The following TCF20 variants were observed in gnomAD, a reference collection of about 807,000 sequenced individuals.
The protein encoded by TCF20 is transcription factor 20.
A neutral mutation model predicts 148.6 loss-of-function variants in TCF20; 3 were observed. That is an observed-to-expected ratio of 0.02 (90% CI 0.01 to 0.05). TCF20 has a LOEUF of 0.05. TCF20 is among the 10% of genes least tolerant of loss of function. The probability of loss-of-function intolerance (pLI) is 1.00; values close to 1 mark genes in which losing one functional copy is unlikely to be tolerated. For missense variants in TCF20, 2,350 were observed against 2,429.3 expected, an observed-to-expected ratio of 0.97 and a Z score of 0.69; for synonymous variants, 1,049 against 909.5, an observed-to-expected ratio of 1.15 and a Z score of -2.76.
chr22:42,217,876 A>G (rs1601610304), intron 1 of TCF20, among the ~76,000 whole-genome samples: 2 of 152,334 alleles, frequency 1.3e-5, no homozygotes, highest in Admixed American at 1.3e-4. Context: ...AGCTTGACCC[A>G]TATCTTGAAA....
At chr22:42,283,281 C>T (rs1299340812) in intron 1 of TCF20, among the ~76,000 whole-genome samples, 1 of 152,224 alleles carries the variant, frequency 6.6e-6, no homozygotes, top group Non-Finnish European at 1.5e-5. Context: ...AAGAACATGC[C>T]TGGAAATAGT....
chr22:42,329,931 T>G (rs955855397), intron 1 of TCF20, among the ~76,000 whole-genome samples: 2 of 152,036 alleles, frequency 1.3e-5, no homozygotes, highest in Non-Finnish European at 2.9e-5. Context: ...GCCACCAAGT[T>G]CAAATACAGG....
chr22:42,305,686 A>G lies in TCF20; in HGVS notation c.-37+37793T>C, dbSNP rs960527134. On this transcript the variant is annotated intron_variant, in intron 1 of 1. Coordinates refer to the TCF20 transcript ENST00000515426. ...TCCTTCCAGACCCTGGCCTCCCCAG[A>G]CTGCCTTCCCTGGTCTCCACACCCC... is the stretch of plus-strand genomic sequence containing the variant. Among the ~76,000 whole-genome samples, 3 of 151,986 alleles carry G rather than the reference A, an allele frequency of 2.0e-5. No homozygotes were observed. The South Asian group carries it at 6.2e-4, about 32-fold the overall frequency.
chr22:42,224,344 C>T (rs1404196266), intron 1 of TCF20, among the ~76,000 whole-genome samples: 2 of 151,686 alleles, frequency 1.3e-5, no homozygotes, highest in Non-Finnish European at 2.9e-5. Context: ...TGGTGGTAGG[C>T]ACCTGTAGTC....
intron 1 of TCF20, among the ~76,000 whole-genome samples, chr22:42,241,774 A>G (rs372116611): frequency 8.6e-5 from 13 of 151,894 alleles, no homozygotes; most frequent in Admixed American, 3.3e-4. Flanking sequence ...GTGCAGTGAG[A>G]GCCAAGATCG....
intron 2 of TCF20, among the ~76,000 whole-genome samples, chr22:42,188,121 C>G (rs1052791132): frequency 6.6e-6 from 1 of 151,762 alleles, no homozygotes; most frequent in African/African-American, 2.4e-5. Flanking sequence ...CAGTGAAACC[C>G]TGTCTCTACT....
upstream of TCF20, among the ~76,000 whole-genome samples, chr22:42,271,715 T>A (rs1277556642): frequency 6.6e-6 from 1 of 152,166 alleles, no homozygotes; most frequent in Non-Finnish European, 1.5e-5. Context: ...TTGCCGATTC[T>A]AAATTAGGCT....
chr22:42,174,809 G>A (rs1936340826), intron 3 of TCF20, among the ~76,000 whole-genome samples: 1 of 152,056 alleles, frequency 6.6e-6, no homozygotes, highest in Non-Finnish European at 1.5e-5. Flanking sequence ...GCCAAGGTGG[G>A]CAGATCACAA....
chr22:42,339,555 AC>A (rs1461010918), intron 1 of TCF20, among the ~76,000 whole-genome samples: 2 of 152,310 alleles, frequency 1.3e-5, no homozygotes, highest in African/African-American at 2.4e-5. Flanking sequence ...AGAAATGACC[AC>A]AAAAACGGCG....
rs1236153066 is a variant in TCF20, at chr22:42,299,910, G to C, written c.-37+43569C>G. Among the ~76,000 whole-genome samples, 1 of 147,966 alleles carries C rather than the reference G, an allele frequency of 6.8e-6. No individual in the cohort carries two copies. Among genetic ancestry groups the C allele is most frequent in the Non-Finnish European group, 1.5e-5 (1 of 67,028 alleles). ...GAAGGGAAGCTTGGAGCGGGTGGAG[G>C]AGGAGGGGGAAAGGGAGCAGAGGAA... On this transcript the variant is annotated intron_variant, in intron 1 of 1. Coordinates refer to the TCF20 transcript ENST00000515426. The surrounding 1 kb of genome is among the most constrained non-coding windows in gnomAD (Gnocchi z 4.1).
At chr22:42,284,088 G>T (rs1926975206), upstream of TCF20, among the ~76,000 whole-genome samples, 1 of 152,198 alleles carries the variant, frequency 6.6e-6, no homozygotes, top group South Asian at 2.1e-4. Flanking sequence ...TCTCACCTCT[G>T]CAGGGTGGAG....
chr22:42,174,879 G>GA (rs1936350154), intron 3 of TCF20, among the ~76,000 whole-genome samples: 1 of 151,968 alleles, frequency 6.6e-6, no homozygotes, highest in Non-Finnish European at 1.5e-5. Flanking sequence ...ACTAAAAACA[G>GA]AAAAAATTAG....
intron 1 of TCF20, among the ~76,000 whole-genome samples, chr22:42,334,290 T>C (rs1000181956): frequency 7.9e-5 from 12 of 152,194 alleles, no homozygotes; most frequent in African/African-American, 2.4e-4. Flanking sequence ...AGAATCATCA[T>C]TGGCTCCATT....
chr22:42,326,872 G>C (rs76905448), intron 1 of TCF20, among the ~76,000 whole-genome samples: 2,172 of 152,368 alleles, frequency 0.014, 44 homozygotes, highest in African/African-American at 0.05. Context: ...CAGAGCCGGA[G>C]CGCTGGGCAC....
chr22:42,336,946 T>A (rs1165049449), intron 1 of TCF20, among the ~76,000 whole-genome samples: 1 of 152,306 alleles, frequency 6.6e-6, no homozygotes, highest in African/African-American at 2.4e-5. Flanking sequence ...TAGCCACGTA[T>A]CTTCTTCCTT....
rs748163644 is a variant in TCF20, at chr22:42,209,758, T to G, written c.5548A>C (p.Asn1850His). Residue 1850 changes from asparagine (N) to histidine (H), a missense_variant, in exon 2 of 6, where the codon AAT becomes CAT. By Grantham distance (68) the Asn-to-His change is moderately conservative. This residue lies in a region of TCF20 where 374 missense variants were observed against 398.3 expected (regional missense o/e 0.94). Transcript: ENST00000677622. ...LQIPELPLDS[N>H]EFWVHEGCIL... Reference sequence around the variant, plus strand: ...CAACCCTCATGGACCCAAAATTCATTGCTGTCAAGAGGTAGTTCAGGGATT... The same window carrying G: ...CAACCCTCATGGACCCAAAATTCATGGCTGTCAAGAGGTAGTTCAGGGATT... 1 of 1,614,204 alleles carries G rather than the reference T, an allele frequency of 6.2e-7. No homozygotes were observed. The highest frequency in any genetic ancestry group is 1.7e-5 in the Admixed American group (1 of 60,018).
chr22:42,281,591 T>C (rs1018603400), intron 1 of TCF20, among the ~76,000 whole-genome samples: 3 of 152,242 alleles, frequency 2.0e-5, no homozygotes, highest in Non-Finnish European at 2.9e-5. Context: ...GGCAAACTCC[T>C]ACTCACTCTT....
intron 3 of TCF20, among the ~76,000 whole-genome samples, chr22:42,173,487 T>C (rs1406570180): frequency 1.3e-5 from 2 of 151,460 alleles, no homozygotes; most frequent in African/African-American, 4.9e-5. Context: ...TCTTTAAAGA[T>C]CTGGGTGGGT....
chr22:42,309,604 C>T (rs1260042172), intron 1 of TCF20, among the ~76,000 whole-genome samples: 3 of 152,062 alleles, frequency 2.0e-5, no homozygotes, highest in East Asian at 1.9e-4. Flanking sequence ...CAACCGTGCC[C>T]GTGGCCCTCC....
Sources: gnomAD v4.1 joint callset for allele counts (sites outside exome capture counted in the v4.1 genomes callset) on GRCh38, gnomAD v4.1.1 for gene constraint, gnomAD v4.1.1 regional missense constraint, Gnocchi (gnomAD v3.1) non-coding constraint, MANE v1.5 for transcripts, NCBI Gene and HGNC (gene_info 2026-07-23, HGNC 2026-07-21) for gene names.